Variants in DCAF6 observed in about 807,000 individuals in gnomAD.
DCAF6 encodes DDB1 and CUL4 associated factor 6, also known as DDB1- and CUL4-associated factor 6.
A neutral mutation model predicts 125.1 loss-of-function variants in DCAF6; 54 were observed. That is an observed-to-expected ratio of 0.43 (90% CI 0.35 to 0.54). The LOEUF (loss-of-function observed/expected upper bound fraction) is 0.54. Ranked by LOEUF, DCAF6 falls within the 20% of genes least tolerant of loss-of-function variation. The pLI is 0.01. For synonymous variants in DCAF6, 371 were observed against 390.4 expected (o/e 0.95, Z 0.58); for missense variants, 934 against 1,161.7 (o/e 0.80, Z 2.85).
the DCAF6 span, among the ~76,000 whole-genome samples, chr1:167,907,984 C>T: frequency 6.6e-6 from 1 of 152,248 alleles, no homozygotes; most frequent in East Asian, 1.9e-4. Context: ...AAAGTACGGC[C>T]ATTATGGAAA....
Position 168,045,089 on chromosome 1 carries a change from A to C in DCAF6, c.2120A>C (p.Gln707Pro). 1 of 1,614,018 alleles carries C rather than the reference A, an allele frequency of 6.2e-7. No individual in the cohort carries two copies. Among genetic ancestry groups the C allele is most frequent in the Non-Finnish European group, 8.5e-7 (1 of 1,179,932 alleles). ...TNENNTNPEP[Q>P]FQTEATGPSA... Reference sequence around the variant, plus strand: ...GAAAATAACACCAATCCTGAGCCTCAGTTCCAAACAGAAGCCACTGGGCCT... The same window carrying C: ...GAAAATAACACCAATCCTGAGCCTCCGTTCCAAACAGAAGCCACTGGGCCT... Residue 707 changes from glutamine (Q) to proline (P), a missense_variant, in exon 16 of 22, where the codon CAG (glutamine) becomes CCG (proline). This residue lies in a region of DCAF6 where 559 missense variants were observed against 635.5 expected (regional missense o/e 0.88). Coordinates refer to ENST00000367840, the MANE Select transcript of DCAF6 (RefSeq NM_001198956.2).
At chr1:167,915,549 C>T in the DCAF6 span, among the ~76,000 whole-genome samples, 1 of 152,102 alleles carries the variant, frequency 6.6e-6, no homozygotes, top group Non-Finnish European at 1.5e-5. Flanking sequence ...CTCCCTGGTT[C>T]AAGTGATTCT....
At chr1:168,026,261 A>G (rs1443434595) in intron 12 of DCAF6, among the ~76,000 whole-genome samples, 1 of 152,144 alleles carries the variant, frequency 6.6e-6, no homozygotes, top group Non-Finnish European at 1.5e-5. Context: ...AATTTCCTCT[A>G]TGCCTAAAAT....
At chr1:167,925,478 T>TATATATATATATAC in the DCAF6 span, among the ~76,000 whole-genome samples, 16 of 122,588 alleles carry the variant, frequency 1.3e-4, no homozygotes, top group Admixed American at 2.5e-4. Context: ...TATATATACA[T>TATATATATATATAC]ATACATATAC....
At chr1:168,043,405 T>C (rs148473282) in intron 14 of DCAF6, among the ~76,000 whole-genome samples, 1 of 152,248 alleles carries the variant, frequency 6.6e-6, no homozygotes, top group African/African-American at 2.4e-5. Context: ...GGATGAGATA[T>C]AAATGTTAGT....
chr1:167,920,639 T>C, the DCAF6 span: 1 of 1,608,782 alleles, frequency 6.2e-7, no homozygotes, highest in Non-Finnish European at 8.5e-7. Flanking sequence ...CCCCTACACA[T>C]TAACGCATAG....
Position 168,004,808 on chromosome 1 carries a change from G to A in DCAF6, c.1378+15G>A, listed in dbSNP as rs771320629. The A allele has an allele frequency of 1.7e-5, 28 of 1,604,752 alleles. No individual in the cohort carries two copies. The highest frequency in any genetic ancestry group is 2.4e-5 in the Non-Finnish European group (28 of 1,174,042). ...TCATCAGTCTGGTGAGGATAAGTATGCTGTGGTTCATCTAATGATTTTTGA... is the reference window on the plus strand; with the variant it reads ...TCATCAGTCTGGTGAGGATAAGTATACTGTGGTTCATCTAATGATTTTTGA... On this transcript the variant is annotated intron_variant, in intron 10 of 21. Transcript: ENST00000367840.
At position 168,050,779 on chromosome 1, in the gene DCAF6, G is replaced by GT. The variant is rs546139612; in HGVS notation, c.2259-104dup. 712 of 545,450 alleles carry GT rather than the reference G, an allele frequency of 1.3e-3. 1 individual carries two copies. The highest frequency in any genetic ancestry group is 4.2e-3 in the African/African-American group (218 of 51,856). 33.8% of individuals were successfully genotyped at this position (545,450 alleles called of 1,614,324 possible). ...CCCGAAGTCACAAAGGGAAACAAAA[G>GT]TTTTTTTTTAAATTGAGATGATTGA... is the stretch of plus-strand genomic sequence containing the variant. On this transcript the variant is annotated intron_variant, in intron 16 of 21. Transcript: ENST00000367840.
chr1:168,049,858 T>C (rs1221074310), intron 16 of DCAF6, among the ~76,000 whole-genome samples: 1 of 150,732 alleles, frequency 6.6e-6, no homozygotes, highest in Non-Finnish European at 1.5e-5. Flanking sequence ...GGTTTCACCG[T>C]GTTAGCCAGG....
chr1:167,883,738 G>T, the DCAF6 span: 14 of 965,574 alleles, frequency 1.4e-5, no homozygotes, highest in Non-Finnish European at 2.1e-5. Context: ...ACCTCAGAAT[G>T]GGTGAGGTAC....
upstream of DCAF6, among the ~76,000 whole-genome samples, chr1:167,933,099 A>G (rs1000063971): frequency 6.6e-6 from 1 of 152,170 alleles, no homozygotes; most frequent in Non-Finnish European, 1.5e-5. Flanking sequence ...GAGAGCCTCA[A>G]AATTCTGGCT....
At chr1:168,057,506 A>G (rs1400409349) in intron 17 of DCAF6, among the ~76,000 whole-genome samples, 1 of 152,234 alleles carries the variant, frequency 6.6e-6, no homozygotes, top group African/African-American at 2.4e-5. Context: ...TCCAAATAGA[A>G]TAATAATTGA....
intron 2 of DCAF6, 55 bp downstream of exon 2, chr1:167,951,916 G>A (rs993133927): frequency 2.2e-5 from 26 of 1,203,392 alleles, no homozygotes; most frequent in Admixed American, 7.7e-5. Context: ...GTGTTTAAGT[G>A]TTTGATGAAA....
intron 16 of DCAF6, among the ~76,000 whole-genome samples, chr1:168,047,313 G>T (rs1335122003): frequency 6.6e-6 from 1 of 152,028 alleles, no homozygotes; most frequent in African/African-American, 2.4e-5. Flanking sequence ...TGCTGAACTA[G>T]ACTAGCAGAA....
chr1:168,054,627 T>A (rs768016465), intron 17 of DCAF6, among the ~76,000 whole-genome samples: 4 of 152,082 alleles, frequency 2.6e-5, no homozygotes, highest in Non-Finnish European at 5.9e-5. Context: ...GACTCTTACT[T>A]ATAGGATTCA....
At chr1:167,887,246 T>A in the DCAF6 span, among the ~76,000 whole-genome samples, 4 of 152,170 alleles carry the variant, frequency 2.6e-5, no homozygotes, top group African/African-American at 7.2e-5. Flanking sequence ...CACATGCACA[T>A]GTATGTTTAT....
At chr1:167,896,445 A>T in the DCAF6 span, 21 of 738,178 alleles carry the variant, frequency 2.8e-5, no homozygotes, top group Non-Finnish European at 4.5e-5. Context: ...GCTGTCCCGG[A>T]GAATGGGAAG....
At chr1:167,936,217 G>T, upstream of DCAF6, 1 of 246,258 alleles carries the variant, frequency 4.1e-6, no homozygotes, top group Non-Finnish European at 8.0e-6. Context: ...GGCGCGGGCG[G>T]GGTCGAGCGG....
the DCAF6 span, among the ~76,000 whole-genome samples, chr1:167,889,334 T>C: frequency 7.2e-5 from 11 of 152,322 alleles, no homozygotes; most frequent in East Asian, 1.7e-3. Context: ...GAAATGATAA[T>C]ATGGTTTTTG....
Sources: gnomAD v4.1 joint callset for allele counts (sites outside exome capture counted in the v4.1 genomes callset) on GRCh38, gnomAD v4.1.1 for gene constraint, gnomAD v4.1.1 regional missense constraint, MANE v1.5 for transcripts, NCBI Gene and HGNC (gene_info 2026-07-23, HGNC 2026-07-21) for gene names.